Variants in FOXN3 observed in about 807,000 individuals in gnomAD.
FOXN3 encodes forkhead box protein N3.
A neutral mutation model predicts 38.4 loss-of-function variants in FOXN3; 7 were observed. The ratio of observed to expected loss-of-function variants is 0.18; its 90% CI spans 0.10 to 0.34. FOXN3 has a LOEUF of 0.34. FOXN3 is among the 10% of genes least tolerant of loss of function. The pLI, the probability that FOXN3 is intolerant of heterozygous loss-of-function variation, is 1.00. For synonymous variants in FOXN3, 230 were observed against 242.2 expected (o/e 0.95, Z 0.47); for missense variants, 456 against 613.4 (o/e 0.74, Z 2.71).
At position 89,163,774 on chromosome 14, in the gene FOXN3, C is replaced by T. The variant is rs535834868; in HGVS notation, c.852-805G>A. Among the ~76,000 whole-genome samples, 1 of 152,194 alleles carries T rather than the reference C, an allele frequency of 6.6e-6. No homozygotes were observed. The highest frequency in any genetic ancestry group is 6.5e-5 in the Admixed American group (1 of 15,278). On this transcript the variant is annotated intron_variant, in intron 5 of 5. Transcript: ENST00000557258. The surrounding 1 kb of genome is among the most constrained non-coding windows in gnomAD (Gnocchi z 4.3). Reference sequence around the variant, plus strand: ...ATTTTACAGTGGCTCGAAGTGAAGCCTGGAGAAGTTCAGTGATGTACTTAA... The same window carrying T: ...ATTTTACAGTGGCTCGAAGTGAAGCTTGGAGAAGTTCAGTGATGTACTTAA...
At chr14:89,553,943 A>C (rs1369060905) in intron 1 of FOXN3, among the ~76,000 whole-genome samples, 2 of 152,168 alleles carry the variant, frequency 1.3e-5, no homozygotes, top group Non-Finnish European at 2.9e-5. Context: ...AGCAAGACAG[A>C]GGGTAGAAAG....
At position 89,527,719 on chromosome 14, in the gene FOXN3, T is replaced by TTG. The variant is rs60566758; in HGVS notation, c.-15+91308_-15+91309insCA. On this transcript the variant is annotated intron_variant, in intron 1 of 6. Coordinates refer to the FOXN3 transcript ENST00000345097. ...ACAATGGCTAATTTTTTTTTTTTTT[T>TTG]GATACAGAGTCTGGCTCTGTCGCTC... Among the ~76,000 whole-genome samples, 397 of 146,830 alleles carry TTG rather than the reference T, an allele frequency of 2.7e-3. 11 individuals are homozygous for TTG. In the East Asian group the frequency reaches 0.046, roughly 17 times the overall value.
At chr14:89,601,265 A>G (rs1439122418) in intron 1 of FOXN3, among the ~76,000 whole-genome samples, 1 of 152,228 alleles carries the variant, frequency 6.6e-6, no homozygotes, top group African/African-American at 2.4e-5. Flanking sequence ...ATTCAAAACA[A>G]TGTTTTGGAT....
chr14:89,189,517 C>G (rs1887891833), intron 4 of FOXN3, among the ~76,000 whole-genome samples: 2 of 152,236 alleles, frequency 1.3e-5, no homozygotes, highest in South Asian at 4.1e-4. Context: ...GTCCTAACAA[C>G]AAGCTGAGCA....
chr14:89,324,268 C>T (rs1005741840), intron 3 of FOXN3, among the ~76,000 whole-genome samples: 1 of 152,122 alleles, frequency 6.6e-6, no homozygotes, highest in African/African-American at 2.4e-5. Context: ...GTTAAATTAG[C>T]ACCATTACGG....
At chr14:89,168,300 A>G (rs1887294238) in intron 5 of FOXN3, among the ~76,000 whole-genome samples, 1 of 152,280 alleles carries the variant, frequency 6.6e-6, no homozygotes, top group South Asian at 2.1e-4. Context: ...GGAAAGCACT[A>G]AACAGAACTT....
intron 1 of FOXN3, among the ~76,000 whole-genome samples, chr14:89,523,185 C>A (rs1443630181): frequency 6.6e-6 from 1 of 152,122 alleles, no homozygotes; most frequent in Non-Finnish European, 1.5e-5. Context: ...AATGTCTAGA[C>A]ACCTAATAAC....
At chr14:89,392,443 C>T (rs1405540381) in intron 2 of FOXN3, among the ~76,000 whole-genome samples, 2 of 152,134 alleles carry the variant, frequency 1.3e-5, no homozygotes, top group Non-Finnish European at 2.9e-5. Context: ...CCTCACTGTT[C>T]GGGAGGCTTG....
chr14:89,192,406 T>C (rs1887979150), intron 4 of FOXN3, among the ~76,000 whole-genome samples: 1 of 144,006 alleles, frequency 6.9e-6, no homozygotes, highest in Non-Finnish European at 1.5e-5. Context: ...CTACAAAATA[T>C]CAGTTTATAA....
chr14:89,210,759 A>G (rs1884064923), intron 4 of FOXN3, among the ~76,000 whole-genome samples: 1 of 152,236 alleles, frequency 6.6e-6, no homozygotes, highest in African/African-American at 2.4e-5. Flanking sequence ...AGGGTTAAAA[A>G]CAGAGGTGCT....
chr14:89,455,922 G>A (rs566117816), intron 1 of FOXN3, among the ~76,000 whole-genome samples: 46 of 152,284 alleles, frequency 3.0e-4, no homozygotes, highest in African/African-American at 1.1e-3. Flanking sequence ...CAGGCCAGGC[G>A]CGGTGGCTCA....
At chr14:89,444,925 A>G (rs956403390) in intron 1 of FOXN3, among the ~76,000 whole-genome samples, 7 of 152,082 alleles carry the variant, frequency 4.6e-5, no homozygotes, top group African/African-American at 1.7e-4. Flanking sequence ...GTTCAAGACC[A>G]GCCTGGGCAA....
chr14:89,235,366 AGTGTGCCT>A (rs1884948144), intron 4 of FOXN3, among the ~76,000 whole-genome samples: 1 of 152,166 alleles, frequency 6.6e-6, no homozygotes. Flanking sequence ...AAAGTATAGG[AGTGTGCCT>A]GTGTGAGGGG....
At chr14:89,325,268 T>A (rs61983121) in intron 3 of FOXN3, among the ~76,000 whole-genome samples, 5,480 of 59,638 alleles carry the variant, frequency 0.092, 372 homozygotes, top group African/African-American at 0.21. Context: ...ACCACCACCA[T>A]CACCAACACC....
chr14:89,300,180 CTTTTT>C (rs35774627), intron 3 of FOXN3, among the ~76,000 whole-genome samples: 1 of 115,790 alleles, frequency 8.6e-6, no homozygotes. Flanking sequence ...AAGAAATGTA[CTTTTT>C]TTTTTTTTTT....
At chr14:89,186,593 CA>C (rs1042117607) in intron 4 of FOXN3, among the ~76,000 whole-genome samples, 78 of 152,224 alleles carry the variant, frequency 5.1e-4, no homozygotes, top group African/African-American at 1.7e-3. Context: ...ATCCAAAGTC[CA>C]GGGGGTAATG....
At chr14:89,458,926 A>T (rs918453537) in intron 1 of FOXN3, among the ~76,000 whole-genome samples, 5 of 152,246 alleles carry the variant, frequency 3.3e-5, no homozygotes, top group South Asian at 2.1e-4. Context: ...TAAGTGGAAA[A>T]GGACAAAAGG....
intron 1 of FOXN3, among the ~76,000 whole-genome samples, chr14:89,453,473 C>T (rs569419453): frequency 4.3e-4 from 61 of 140,518 alleles, no homozygotes; most frequent in Non-Finnish European, 7.7e-4. Context: ...AGCAGGAGAA[C>T]GGTGTGAACC....
At chr14:89,289,974 A>C (rs1481933981) in intron 3 of FOXN3, among the ~76,000 whole-genome samples, 1 of 152,160 alleles carries the variant, frequency 6.6e-6, no homozygotes, top group Non-Finnish European at 1.5e-5. Flanking sequence ...CTTTAAATCC[A>C]TAATGTTCAC....
Sources: allele counts gnomAD v4.1 joint callset (sites outside exome capture counted in the v4.1 genomes callset), GRCh38; gene constraint gnomAD v4.1.1; non-coding constraint Gnocchi (gnomAD v3.1); transcripts MANE v1.5; gene names NCBI Gene and HGNC (gene_info 2026-07-23, HGNC 2026-07-21).